Variants in EXOC6B observed in about 807,000 individuals in gnomAD.
EXOC6B encodes the protein exocyst complex component 6B, also known as SEC15 homolog B.
EXOC6B carries 54 observed loss-of-function variants against 113.5 expected under a neutral mutation model. The observed-to-expected ratio is 0.48, with a 90% confidence interval of 0.38 to 0.60. The LOEUF (loss-of-function observed/expected upper bound fraction) is 0.60. Ranked by LOEUF, EXOC6B falls within the 20% of genes least tolerant of loss-of-function variation. The pLI is 0.00. For missense variants in EXOC6B, 797 were observed against 977.5 expected (o/e 0.82, Z 2.46); for synonymous variants, 357 against 339.0 (o/e 1.05, Z -0.58).
At position 72,210,189 on chromosome 2, in the gene EXOC6B, T is replaced by C. The variant is rs543450911; in HGVS notation, c.2197-26002A>G. ...TAGGCATCTACTCAATCAACCTTCA[T>C]TGAGTATTTTCTCTGATTTACTGTC... On this transcript the variant is annotated intron_variant, in intron 20 of 21. Coordinates refer to ENST00000272427, the MANE Select transcript of EXOC6B (RefSeq NM_015189.3). Among the ~76,000 whole-genome samples, 9 of 152,286 alleles carry C rather than the reference T, an allele frequency of 5.9e-5. 1 individual carries two copies. Among genetic ancestry groups the C allele is most frequent in the African/African-American group, 2.2e-4 (9 of 41,546 alleles).
intron 1 of EXOC6B, among the ~76,000 whole-genome samples, chr2:72,766,349 T>C (rs1683060206): frequency 6.6e-6 from 1 of 152,140 alleles, no homozygotes; most frequent in Non-Finnish European, 1.5e-5. Context: ...ACCTCCACAA[T>C]TTTTTTAATG....
intron 1 of EXOC6B, among the ~76,000 whole-genome samples, chr2:72,790,681 A>G (rs1370838287): frequency 6.6e-6 from 1 of 152,228 alleles, no homozygotes; most frequent in Non-Finnish European, 1.5e-5. Flanking sequence ...AGAAAATTAG[A>G]CTAGGGCATT....
intron 6 of EXOC6B, among the ~76,000 whole-genome samples, chr2:72,623,594 T>C (rs1256820287): frequency 6.6e-6 from 1 of 152,128 alleles, no homozygotes; most frequent in Non-Finnish European, 1.5e-5. Flanking sequence ...TTCCCTTTAT[T>C]ATTAGTCACT....
At chr2:72,760,798 G>A (rs1242804247) in intron 1 of EXOC6B, among the ~76,000 whole-genome samples, 1 of 152,146 alleles carries the variant, frequency 6.6e-6, no homozygotes, top group African/African-American at 2.4e-5. Flanking sequence ...TGAAAAGAGA[G>A]ACCACTAAAA....
intron 18 of EXOC6B, among the ~76,000 whole-genome samples, chr2:72,399,173 G>C (rs940189361): frequency 3.3e-5 from 5 of 152,092 alleles, no homozygotes; most frequent in African/African-American, 1.2e-4. Flanking sequence ...ATCAGTAAAT[G>C]TGATTTGAAA....
intron 17 of EXOC6B, among the ~76,000 whole-genome samples, chr2:72,466,344 CAAAAA>C (rs551509210): frequency 1.2e-5 from 1 of 82,314 alleles, no homozygotes; most frequent in African/African-American, 5.0e-5. Flanking sequence ...GACTCCACCT[CAAAAA>C]AAAAAAAAAA....
intron 1 of EXOC6B, among the ~76,000 whole-genome samples, chr2:72,785,761 T>G (rs1172897099): frequency 6.6e-6 from 1 of 152,260 alleles, no homozygotes; most frequent in Admixed American, 6.5e-5. Flanking sequence ...TGGGAGGGGC[T>G]GCCTGGAGAC....
At chr2:72,233,824 C>T (rs942235124) in intron 20 of EXOC6B, among the ~76,000 whole-genome samples, 3 of 152,274 alleles carry the variant, frequency 2.0e-5, no homozygotes, top group East Asian at 3.9e-4. Context: ...AAGCACCCTA[C>T]GGCAGGGTGT....
chr2:72,354,120 A>G (rs1027914836), intron 19 of EXOC6B: 9 of 152,200 alleles, frequency 5.9e-5, no homozygotes, highest in African/African-American at 2.2e-4. Context: ...CCCCACCCCA[A>G]TATCCCTTGA....
intron 18 of EXOC6B, among the ~76,000 whole-genome samples, chr2:72,403,193 T>G (rs1162253909): frequency 6.6e-6 from 1 of 152,174 alleles, no homozygotes. Flanking sequence ...CTTCTTGGGG[T>G]TTAGACAGTC....
intron 6 of EXOC6B, among the ~76,000 whole-genome samples, chr2:72,697,412 A>G (rs111500495): frequency 0.016 from 2,496 of 152,230 alleles, 92 homozygotes; most frequent in African/African-American, 0.058. Flanking sequence ...CAGGTTTGGC[A>G]TGGTGGATCC....
At position 72,740,692 on chromosome 2, in the gene EXOC6B, T is replaced by C. The variant is rs184301759; in HGVS notation, c.279+612A>G. On this transcript the variant is annotated intron_variant, in intron 2 of 21. Coordinates refer to ENST00000272427, the MANE Select transcript of EXOC6B (RefSeq NM_015189.3). Reference sequence around the variant, plus strand: ...TCTATCATTCTACAATGATAGCTTTTATCCAGCAAGGAAACAGAAACATGA... The same window carrying C: ...TCTATCATTCTACAATGATAGCTTTCATCCAGCAAGGAAACAGAAACATGA... Among the ~76,000 whole-genome samples the C allele has an allele frequency of 4.9e-3, 744 of 152,356 alleles. 6 individuals carry two copies. Among genetic ancestry groups the C allele is most frequent in the African/African-American group, 0.017 (707 of 41,586 alleles).
In EXOC6B at chr2:72,348,023, T is replaced by C. The variant is rs535980260; in HGVS notation, c.2123-13003A>G. The stretch of plus-strand genomic sequence containing the variant: ...TTCAGGCTGTTATAGTAAAATACCA[T>C]ACATTGGGGAGCTTATAAACAACAG... On this transcript the variant is annotated intron_variant, in intron 19 of 21. Coordinates refer to ENST00000272427, the MANE Select transcript of EXOC6B (RefSeq NM_015189.3). Among the ~76,000 whole-genome samples the C allele has an allele frequency of 3.3e-4, 51 of 152,288 alleles. 1 individual carries two copies. The highest frequency in any genetic ancestry group is 1.0e-3 in the African/African-American group (43 of 41,574).
intron 20 of EXOC6B, among the ~76,000 whole-genome samples, chr2:72,270,148 T>G (rs1207896418): frequency 6.6e-6 from 1 of 152,130 alleles, no homozygotes; most frequent in Non-Finnish European, 1.5e-5. Context: ...GTGGCAACTC[T>G]GGACGACTGC....
At chr2:72,673,582 A>G (rs1676065689) in intron 6 of EXOC6B, among the ~76,000 whole-genome samples, 1 of 152,154 alleles carries the variant, frequency 6.6e-6, no homozygotes, top group African/African-American at 2.4e-5. Flanking sequence ...TCTCCTTAAC[A>G]ATAAAGTCTT....
At chr2:72,492,522 A>C (rs1699799100) in intron 15 of EXOC6B, 93 bp from the exon 16 acceptor site, 3 of 678,770 alleles carry the variant, frequency 4.4e-6, no homozygotes, top group Non-Finnish European at 5.2e-6. Context: ...AATAATAATA[A>C]AATAATAATA....
At chr2:72,195,888 A>T (rs1257527952) in intron 20 of EXOC6B, among the ~76,000 whole-genome samples, 1 of 152,196 alleles carries the variant, frequency 6.6e-6, no homozygotes, top group Non-Finnish European at 1.5e-5. Context: ...ACTTAACCTG[A>T]GTACATATTG....
intron 1 of EXOC6B, among the ~76,000 whole-genome samples, chr2:72,815,491 CAAAAAAA>C (rs77713111): frequency 0.017 from 1,550 of 93,694 alleles, 25 homozygotes; most frequent in African/African-American, 0.054. Context: ...GACCCTGTTT[CAAAAAAA>C]AAAAAAAGAA....
At chr2:72,214,209 C>T (rs1338934432) in intron 20 of EXOC6B, among the ~76,000 whole-genome samples, 1 of 124,258 alleles carries the variant, frequency 8.0e-6, no homozygotes. Flanking sequence ...TCTTATCGGC[C>T]GTGCACGGTG....
Sources: gnomAD v4.1 joint callset for allele counts (sites outside exome capture counted in the v4.1 genomes callset) on GRCh38, gnomAD v4.1.1 for gene constraint, MANE v1.5 for transcripts, NCBI Gene and HGNC (gene_info 2026-07-23, HGNC 2026-07-21) for gene names.